The following GAREM2 variants were observed in gnomAD, a reference collection of about 807,000 sequenced individuals.
GAREM2 encodes the protein GRB2-associated and regulator of MAPK protein 2.
In GAREM2, 30 loss-of-function variants were observed where a neutral mutation model predicts 55.6. The ratio of observed to expected loss-of-function variants is 0.54; its 90% CI spans 0.40 to 0.73. The LOEUF (loss-of-function observed/expected upper bound fraction) is 0.73. GAREM2 is among the 30% of genes least tolerant of loss of function. GAREM2 has a pLI of 0.00. For missense variants in GAREM2, 1,075 were observed against 1,257.7 expected (o/e 0.85, Z 2.20); for synonymous variants, 550 against 569.1 (o/e 0.97, Z 0.48).
rs777906837 is a variant in GAREM2, at chr2:26,188,076, C to T, written c.2444C>T (p.Ser815Phe). The part of the protein sequence containing the change: ...DLSALSLEEV[S>F]RSLRFIGLSE... Reference sequence around the variant, plus strand: ...TCTGCACTCTCCCTGGAGGAGGTCTCTCGCAGTCTGCGTTTCATCGGGCTC... The same window carrying T: ...TCTGCACTCTCCCTGGAGGAGGTCTTTCGCAGTCTGCGTTTCATCGGGCTC... The change falls in exon 6 of 6, where the codon TCT (serine) becomes TTT (phenylalanine). Residue 815 changes from serine to phenylalanine, a missense_variant. Ser to Phe is a radical substitution (Grantham distance 155). Around this residue, in one of 6 missense-constraint regions of GAREM2, gnomAD observed 142 missense variants for 172.3 expected, o/e 0.82. Coordinates refer to ENST00000401533, the MANE Select transcript of GAREM2 (RefSeq NM_001168241.2). 1 of 1,548,526 alleles carries T rather than the reference C, an allele frequency of 6.5e-7. No individual in the cohort carries two copies.
At position 26,187,264 on chromosome 2, in the gene GAREM2, GCCGGACACCTACTCC is replaced by G. The variant is rs1178600117; in HGVS notation, c.1634_1648del (p.Pro545_Ser549del). The G allele has an allele frequency of 8.3e-6, 12 of 1,454,430 alleles. No individual in the cohort carries two copies. The African/African-American group carries it at 1.6e-4, about 19-fold the overall frequency. 90.1% of individuals were successfully genotyped at this position (1,454,430 alleles called of 1,614,324 possible). On this transcript the variant is annotated inframe_deletion, in exon 6 of 6. Coordinates refer to ENST00000401533, the MANE Select transcript of GAREM2 (RefSeq NM_001168241.2). The stretch of plus-strand genomic sequence containing the variant: ...CCCGCAGTGGCAGTGGCTCCCCATC[GCCGGACACCTACTCC>G]CTCTATTGCTACCCATGCACCTGGG...
At chr2:26,175,089 A>T (rs1373801124) in intron 1 of GAREM2, among the ~76,000 whole-genome samples, 1 of 152,040 alleles carries the variant, frequency 6.6e-6, no homozygotes, top group Admixed American at 6.6e-5. Context: ...ACACACACAC[A>T]CACATACACA....
At chr2:26,182,273 G>A in intron 2 of GAREM2, 1 of 1,432,994 alleles carries the variant, frequency 7.0e-7, no homozygotes, top group Non-Finnish European at 9.2e-7. Flanking sequence ...CCAGACTGCA[G>A]GTTGGGAAGG....
Position 26,188,182 on chromosome 2 carries a change from A to G in GAREM2, c.2550A>G (p.Ala850=). The change falls in exon 6 of 6, where the codon GCA becomes GCG. Residue 850 remains alanine (A), a synonymous_variant. Coordinates refer to ENST00000401533, the MANE Select transcript of GAREM2 (RefSeq NM_001168241.2). ...TGCAGCTCAGTGAGGACATCCTGGC[A>G]GATGACTTCCACCTCACCAAGCTGC... The part of the protein sequence containing the change: ...IFVQLSEDIL[A]DDFHLTKLQV... The G allele has an allele frequency of 6.5e-7, 1 of 1,545,626 alleles. No homozygotes were observed. Among genetic ancestry groups the G allele is most frequent in the Non-Finnish European group, 8.7e-7 (1 of 1,143,444 alleles).
At chr2:26,194,794 C>T in the GAREM2 span, among the ~76,000 whole-genome samples, 1 of 151,972 alleles carries the variant, frequency 6.6e-6, no homozygotes, top group Non-Finnish European at 1.5e-5. Context: ...AATGAAATTG[C>T]AGGGGAAGCC....
intron 2 of GAREM2, chr2:26,182,518 T>C (rs1456725567): frequency 6.5e-7 from 1 of 1,538,838 alleles, no homozygotes. Context: ...CATCTGTCCC[T>C]ACCCCCTCAG....
chr2:26,174,071 G>A (rs116132335), intron 1 of GAREM2, among the ~76,000 whole-genome samples: 5,011 of 152,254 alleles, frequency 0.033, 187 homozygotes, highest in South Asian at 0.12. Flanking sequence ...GGGGATGGGC[G>A]GTAGCCGGGG....
At position 26,184,614 on chromosome 2, in the gene GAREM2, G is replaced by A; in HGVS notation, c.766G>A (p.Ala256Thr). ...QMQEGEHTVR[A>T]IIERVRLPVN... ...GCAAGAGGGCGAGCACACGGTGCGC[G>A]CCATCATCGAGCGCGTGAGGCTGCC... The change falls in exon 4 of 6, where the codon GCC (alanine) becomes ACC (threonine). Residue 256 changes from alanine to threonine, a missense_variant. Around this residue, in one of 6 missense-constraint regions of GAREM2, gnomAD observed 170 missense variants for 220.7 expected, o/e 0.77. Transcript: ENST00000401533. 1 of 1,548,204 alleles carries A rather than the reference G, an allele frequency of 6.5e-7. No individual in the cohort carries two copies. Among genetic ancestry groups the A allele is most frequent in the South Asian group, 1.2e-5 (1 of 83,908 alleles).
At chr2:26,177,600 T>C (rs899405854) in intron 2 of GAREM2, among the ~76,000 whole-genome samples, 2 of 152,108 alleles carry the variant, frequency 1.3e-5, no homozygotes, top group Admixed American at 6.6e-5. Context: ...TGCCTCAGTC[T>C]CCCAGAGTGC....
downstream of GAREM2, among the ~76,000 whole-genome samples, chr2:26,193,293 CTTTTTTT>C (rs370942158): frequency 8.7e-6 from 1 of 115,166 alleles, no homozygotes; most frequent in African/African-American, 3.5e-5. Context: ...CACATGACAT[CTTTTTTT>C]TTTTTTTTTT....
downstream of GAREM2, among the ~76,000 whole-genome samples, chr2:26,194,093 C>T (rs72849156): frequency 0.036 from 5,441 of 152,240 alleles, 328 homozygotes; most frequent in African/African-American, 0.12. Context: ...TCATGACCAA[C>T]AGAAGAAACA....
the GAREM2 span, among the ~76,000 whole-genome samples, chr2:26,199,991 T>C: frequency 6.6e-6 from 1 of 152,150 alleles, no homozygotes; most frequent in Admixed American, 6.5e-5. Flanking sequence ...TGTGAAAAGA[T>C]AGTTGTAAAC....
At chr2:26,197,744 T>C in the GAREM2 span, 1 of 1,554,646 alleles carries the variant, frequency 6.4e-7, no homozygotes, top group African/African-American at 1.4e-5. Flanking sequence ...AGAGCAGATG[T>C]GTTACTGGCA....
At chr2:26,183,244 C>G in intron 3 of GAREM2, 147 bp downstream of exon 3, 1 of 806,994 alleles carries the variant, frequency 1.2e-6, no homozygotes, top group Non-Finnish European at 1.9e-6. Flanking sequence ...ACAATCAAGC[C>G]ATGTCAGAAG....
chr2:26,182,485 CA>C, intron 2 of GAREM2: 1 of 1,550,476 alleles, frequency 6.4e-7, no homozygotes, highest in Non-Finnish European at 8.7e-7. Context: ...CACAGGATGC[CA>C]GATCCAGGTA....
intron 1 of GAREM2, 35 bp from the exon 2 acceptor site, chr2:26,176,309 T>C (rs1668862647): frequency 5.4e-6 from 8 of 1,488,478 alleles, no homozygotes; most frequent in Non-Finnish European, 7.2e-6. Context: ...CCTGTCTTCC[T>C]TCCCCTCATC....
chr2:26,193,729 A>G, downstream of GAREM2: 1 of 1,614,188 alleles, frequency 6.2e-7, no homozygotes, highest in Non-Finnish European at 8.5e-7. Flanking sequence ...AGGAAAGCCA[A>G]AGCTTGTGGT....
Position 26,176,352 on chromosome 2 carries a change from G to C in GAREM2, c.121G>C (p.Ala41Pro). The change falls in exon 2 of 6, where the codon GCC becomes CCC. Residue 41 changes from alanine (A) to proline (P), a missense_variant. Physicochemically the swap from Ala to Pro is conservative, Grantham distance 27 (BLOSUM62 -1). This residue lies in a region of GAREM2 where 230 missense variants were observed against 310.6 expected (regional missense o/e 0.74). Transcript: ENST00000401533. ...CTCCTCCCCCTTCCCAGGGGAGTAC[G>C]CCGAGGGCGTCAGTGAGCGAGACAT... is the stretch of plus-strand genomic sequence containing the variant. ...TLACLGPGEY[A>P]EGVSERDILL... The C allele has an allele frequency of 6.5e-7, 1 of 1,543,610 alleles. No individual in the cohort carries two copies. Among genetic ancestry groups the C allele is most frequent in the Non-Finnish European group, 8.8e-7 (1 of 1,142,428 alleles).
downstream of GAREM2, chr2:26,191,270 TA>T: frequency 6.2e-7 from 1 of 1,612,766 alleles, no homozygotes; most frequent in Non-Finnish European, 8.5e-7. Context: ...AACTTCTTGT[TA>T]GGGCTGTTAG....
Sources: allele counts gnomAD v4.1 joint callset (sites outside exome capture counted in the v4.1 genomes callset), GRCh38; gene constraint gnomAD v4.1.1; regional missense constraint gnomAD v4.1.1; transcripts MANE v1.5; gene names NCBI Gene and HGNC (gene_info 2026-07-23, HGNC 2026-07-21).